The following ADAMTSL3 variants were observed in gnomAD, a reference collection of about 807,000 sequenced individuals.
ADAMTSL3 encodes the protein ADAMTS like 3.
ADAMTSL3 carries 128 observed loss-of-function variants against 201.7 expected under a neutral mutation model. The ratio of observed to expected loss-of-function variants is 0.63; its 90% CI spans 0.55 to 0.73. The LOEUF (loss-of-function observed/expected upper bound fraction) is 0.73. Among genes scored for constraint, ADAMTSL3 ranks in the 30% least tolerant of loss-of-function variants. ADAMTSL3 has a pLI of 0.00. For synonymous variants in ADAMTSL3, 738 were observed against 748.4 expected (o/e 0.99, Z 0.23); for missense variants, 1,990 against 2,119.6 (o/e 0.94, Z 1.20).
chr15:83,943,534 T>C (rs2066602761), intron 19 of ADAMTSL3, among the ~76,000 whole-genome samples: 1 of 152,228 alleles, frequency 6.6e-6, no homozygotes, highest in African/African-American at 2.4e-5. Flanking sequence ...CATGGCAAGC[T>C]TGAATTAGTG....
At chr15:83,704,965 AGT>A (rs10536633) in intron 3 of ADAMTSL3, among the ~76,000 whole-genome samples, 16,603 of 147,508 alleles carry the variant, frequency 0.11, 1,067 homozygotes, top group East Asian at 0.2. Context: ...TATGTCTGTG[AGT>A]GTGTGTGTGT....
At chr15:83,890,309 C>T in intron 11 of ADAMTSL3, 62 bp downstream of exon 11, 2 of 1,582,012 alleles carry the variant, frequency 1.3e-6, no homozygotes, top group East Asian at 4.5e-5. Context: ...TCAACTGAGA[C>T]TGATCAATCT....
Position 83,872,598 on chromosome 15 carries a change from C to CCACACACACA in ADAMTSL3, c.960+1660_960+1669dup, listed in dbSNP as rs149299146. Among the ~76,000 whole-genome samples the CCACACACACA allele has an allele frequency of 5.0e-3, 232 of 46,500 alleles. 1 individual carries two copies. The highest frequency in any genetic ancestry group is 9.5e-3 in the African/African-American group (111 of 11,738). 30.5% of individuals were successfully genotyped at this position (46,500 alleles called of 152,430 possible). On this transcript the variant is annotated intron_variant, in intron 9 of 29. Transcript: ENST00000286744. Reference sequence around the variant, plus strand: ...GTGATTCTCAAGTAGAAAATATACACCACACACACACACACACACACACAC... The same window carrying CCACACACACA: ...GTGATTCTCAAGTAGAAAATATACACCACACACACACACACACACACACACACACACACAC...
Position 83,897,925 on chromosome 15 carries a change from A to G in ADAMTSL3, c.1535A>G (p.His512Arg). The G allele has an allele frequency of 6.2e-7, 1 of 1,613,996 alleles. No homozygotes were observed. Among genetic ancestry groups the G allele is most frequent in the Non-Finnish European group, 8.5e-7 (1 of 1,179,876 alleles). The change falls in exon 14 of 30, where the codon CAT becomes CGT. Residue 512 changes from histidine to arginine, a missense_variant. Coordinates refer to ENST00000286744, the MANE Select transcript of ADAMTSL3 (RefSeq NM_207517.3). ...VVLCINHRGE[H>R]VGGCNPQLKL... ...CTGTGTATTAACCACCGCGGAGAGC[A>G]TGTTGGGGGCTGCAATCCACAACTG...
chr15:83,830,646 T>C lies in ADAMTSL3; in HGVS notation c.601-7443T>C, dbSNP rs1405740593. Among the ~76,000 whole-genome samples, 5 of 152,284 alleles carry C rather than the reference T, an allele frequency of 3.3e-5. No homozygotes were observed. The East Asian group carries it at 9.6e-4, about 29-fold the overall frequency. ...GTTTCCTGTGGCAGCTGTGACAAATTACCACAAATTTGGTGGCTTAAAACA... is the reference window on the plus strand; with the variant it reads ...GTTTCCTGTGGCAGCTGTGACAAATCACCACAAATTTGGTGGCTTAAAACA... On this transcript the variant is annotated intron_variant, in intron 6 of 29. Transcript: ENST00000286744.
chr15:83,898,711 C>T (rs1038007997), intron 14 of ADAMTSL3, among the ~76,000 whole-genome samples: 1 of 152,142 alleles, frequency 6.6e-6, no homozygotes, highest in African/African-American at 2.4e-5. Context: ...TGTTAACCAT[C>T]CTCATGAAAA....
At chr15:83,794,737 G>A (rs1002506804) in intron 4 of ADAMTSL3, among the ~76,000 whole-genome samples, 10 of 152,152 alleles carry the variant, frequency 6.6e-5, no homozygotes, top group Admixed American at 5.9e-4. Context: ...TACATTACCT[G>A]TATTAATATC....
At chr15:83,763,020 G>T (rs1305778622) in intron 3 of ADAMTSL3, among the ~76,000 whole-genome samples, 2 of 152,010 alleles carry the variant, frequency 1.3e-5, no homozygotes, top group Non-Finnish European at 2.9e-5. Context: ...CTGAGTAACT[G>T]GGACTACAAG....
intron 16 of ADAMTSL3, among the ~76,000 whole-genome samples, chr15:83,915,676 T>C (rs974926493): frequency 6.6e-6 from 1 of 152,202 alleles, no homozygotes; most frequent in Non-Finnish European, 1.5e-5. Flanking sequence ...TACCCCATTT[T>C]CCCTCAAATT....
intron 2 of ADAMTSL3, among the ~76,000 whole-genome samples, chr15:83,700,112 G>A (rs1468686506): frequency 1.3e-5 from 2 of 152,178 alleles, no homozygotes; most frequent in Non-Finnish European, 2.9e-5. Flanking sequence ...ATAAATATGT[G>A]TTGAATGCAT....
chr15:83,993,010 C>G (rs1461532825), intron 23 of ADAMTSL3, among the ~76,000 whole-genome samples: 4 of 152,196 alleles, frequency 2.6e-5, no homozygotes, highest in Non-Finnish European at 5.9e-5. Flanking sequence ...GGACTCAGAC[C>G]CCAGAACTCC....
rs372805619 is a variant in ADAMTSL3 at position 83,718,778 on chromosome 15, A to G, written c.189+14270A>G. On this transcript the variant is annotated intron_variant, in intron 3 of 29. Transcript: ENST00000286744. ...ACTTAAGCATGTCAACTATGTTTAT[A>G]TCACTAAGTTAATAATAATACTAAA... 1.2e-4 allele frequency among the ~76,000 whole-genome samples: 19 copies of G among 152,250 alleles called. No homozygotes were observed. In the East Asian group the frequency reaches 2.9e-3, roughly 23 times the overall value.
chr15:83,961,967 G>A lies in ADAMTSL3; in HGVS notation c.2491-8517G>A, dbSNP rs1013684860. 4.6e-5 allele frequency among the ~76,000 whole-genome samples: 7 copies of A among 152,272 alleles called. No homozygotes were observed. The East Asian group carries it at 1.2e-3, about 25-fold the overall frequency. On this transcript the variant is annotated intron_variant, in intron 19 of 29. Coordinates refer to ENST00000286744, the MANE Select transcript of ADAMTSL3 (RefSeq NM_207517.3). ...GAGGTAGATGATATAGTTTGGCTGT[G>A]TCCCCACCCAAATCTCATCTTGAAT...
intron 4 of ADAMTSL3, among the ~76,000 whole-genome samples, chr15:83,785,917 C>T (rs1287188890): frequency 1.3e-5 from 2 of 151,994 alleles, no homozygotes; most frequent in Non-Finnish European, 2.9e-5. Flanking sequence ...GATCTCAGCT[C>T]ACTGCAACCT....
At chr15:84,003,341 C>T (rs1419448115) in intron 23 of ADAMTSL3, among the ~76,000 whole-genome samples, 1 of 152,140 alleles carries the variant, frequency 6.6e-6, no homozygotes, top group Non-Finnish European at 1.5e-5. Context: ...CTGGATCAGT[C>T]CTGTTGAGCC....
chr15:83,851,355 T>G (rs1435845351), intron 7 of ADAMTSL3, among the ~76,000 whole-genome samples: 4 of 152,132 alleles, frequency 2.6e-5, no homozygotes, highest in Admixed American at 2.6e-4. Context: ...TTTGAGGCTT[T>G]TTGGCTAAAA....
intron 19 of ADAMTSL3, chr15:83,961,605 A>T (rs1360516031): frequency 6.6e-6 from 1 of 152,206 alleles, no homozygotes; most frequent in Admixed American, 6.5e-5. Context: ...ATGGAGCAGG[A>T]TCTACACAAT....
intron 10 of ADAMTSL3, among the ~76,000 whole-genome samples, chr15:83,887,109 C>T (rs1338109766): frequency 6.6e-6 from 1 of 152,114 alleles, no homozygotes; most frequent in Non-Finnish European, 1.5e-5. Flanking sequence ...TCTCAGGCCC[C>T]ACCACAGACC....
rs147158308 is a variant in ADAMTSL3 at position 83,999,405 on chromosome 15, T to G, written c.3973+8191T>G. 9.7e-3 allele frequency among the ~76,000 whole-genome samples: 1,481 copies of G among 152,332 alleles called. 10 individuals are homozygous for G. Among genetic ancestry groups the G allele is most frequent in the Non-Finnish European group, 0.015 (1,007 of 68,024 alleles). On this transcript the variant is annotated intron_variant, in intron 23 of 29. Transcript: ENST00000286744. ...ATGGAATTGTTAGGTCACAGGACAT[T>G]CAACATTTTTGTAACTAAATAGGGC...
Sources: gnomAD v4.1 joint callset for allele counts (sites outside exome capture counted in the v4.1 genomes callset) on GRCh38, gnomAD v4.1.1 for gene constraint, MANE v1.5 for transcripts, NCBI Gene and HGNC (gene_info 2026-07-23, HGNC 2026-07-21) for gene names.